The following GRID2 variants were observed in gnomAD, a reference collection of about 807,000 sequenced individuals.
GRID2 encodes the protein glutamate ionotropic receptor delta type subunit 2, also known as glutamate receptor ionotropic, delta-2.
Under a neutral mutation model 114.8 loss-of-function variants are expected in GRID2, and 33 were observed. The ratio of observed to expected loss-of-function variants is 0.29; its 90% confidence interval spans 0.22 to 0.38. The LOEUF (loss-of-function observed/expected upper bound fraction) is 0.38. Ranked by LOEUF, GRID2 falls within the 10% of genes least tolerant of loss-of-function variation. GRID2 has a pLI of 1.00. For synonymous variants in GRID2, 505 were observed against 449.9 expected (o/e 1.12, Z -1.55); for missense variants, 1,184 against 1,257.7 (o/e 0.94, Z 0.89).
chr4:93,132,581 A>G (rs1358293665), intron 4 of GRID2, among the ~76,000 whole-genome samples: 1 of 152,314 alleles, frequency 6.6e-6, no homozygotes, highest in Admixed American at 6.5e-5. Context: ...GGCTTACCTG[A>G]TATCTCTTTA....
chr4:93,012,662 G>T (rs1271628870), intron 2 of GRID2, among the ~76,000 whole-genome samples: 3 of 133,406 alleles, frequency 2.2e-5, no homozygotes, highest in African/African-American at 8.7e-5. Flanking sequence ...AAGAGCAAAG[G>T]ATACTATAAG....
chr4:93,160,876 A>G (rs879437630), intron 4 of GRID2, among the ~76,000 whole-genome samples: 2 of 151,854 alleles, frequency 1.3e-5, no homozygotes, highest in Admixed American at 1.3e-4. Context: ...CTGCATTTTA[A>G]CAAGATTTTT....
intron 2 of GRID2, among the ~76,000 whole-genome samples, chr4:92,690,757 A>G (rs1317675499): frequency 1.3e-5 from 2 of 152,168 alleles, no homozygotes; most frequent in Non-Finnish European, 2.9e-5. Context: ...TTCAATAAAA[A>G]TGAATTTATA....
chr4:93,565,531 A>T (rs1282943218), intron 13 of GRID2, among the ~76,000 whole-genome samples: 1 of 152,144 alleles, frequency 6.6e-6, no homozygotes, highest in South Asian at 2.1e-4. Context: ...GCACGAAAAA[A>T]CCTATTGTAT....
intron 4 of GRID2, among the ~76,000 whole-genome samples, chr4:93,169,459 A>G (rs962814092): frequency 1.2e-4 from 18 of 152,186 alleles, no homozygotes; most frequent in African/African-American, 3.9e-4. Flanking sequence ...TATATAACAA[A>G]TTAGCCCTAA....
At chr4:93,664,877 G>A (rs905815975) in intron 14 of GRID2, among the ~76,000 whole-genome samples, 2 of 152,114 alleles carry the variant, frequency 1.3e-5, no homozygotes, top group African/African-American at 2.4e-5. Context: ...GAGGTATAAT[G>A]TACCTAAAAC....
intron 2 of GRID2, among the ~76,000 whole-genome samples, chr4:93,073,619 C>A (rs537486692): frequency 6.6e-6 from 1 of 152,122 alleles, no homozygotes; most frequent in South Asian, 2.1e-4. Context: ...ATCTATTCAC[C>A]CTTTATCCCT....
rs183396223 is a variant in GRID2 at position 92,718,514 on chromosome 4, C to G, written c.244+128228C>G. Reference sequence around the variant, plus strand: ...AGGAATGGTGGCTAATGCCTATAATCCCAATTTGGGAGGCTGAGGCAGGAC... The same window carrying G: ...AGGAATGGTGGCTAATGCCTATAATGCCAATTTGGGAGGCTGAGGCAGGAC... On this transcript the variant is annotated intron_variant, in intron 2 of 15. Coordinates refer to ENST00000282020, the MANE Select transcript of GRID2 (RefSeq NM_001510.4). 7.1e-3 allele frequency among the ~76,000 whole-genome samples: 1,073 copies of G among 152,038 alleles called. 4 individuals carry two copies. Among genetic ancestry groups the G allele is most frequent in the Middle Eastern group, 0.024 (7 of 294 alleles).
intron 2 of GRID2, among the ~76,000 whole-genome samples, chr4:92,649,693 C>G (rs1731829076): frequency 6.6e-6 from 1 of 151,950 alleles, no homozygotes; most frequent in Non-Finnish European, 1.5e-5. Flanking sequence ...ATAACAAGAT[C>G]ATAATTCTGC....
intron 14 of GRID2, among the ~76,000 whole-genome samples, chr4:93,757,553 T>C (rs1182030867): frequency 6.6e-6 from 1 of 152,236 alleles, no homozygotes; most frequent in African/African-American, 2.4e-5. Context: ...CACGGTGCCT[T>C]CTCTTGTGCT....
chr4:92,719,801 G>A (rs916594984), intron 2 of GRID2, among the ~76,000 whole-genome samples: 4 of 152,166 alleles, frequency 2.6e-5, no homozygotes. Context: ...GGCTCTTAAT[G>A]TATGTTTGTA....
In GRID2 at chr4:93,577,633, T is replaced by TA. The variant is rs1468745705; in HGVS notation, c.2194-48635dup. Among the ~76,000 whole-genome samples, 11 of 152,316 alleles carry TA rather than the reference T, an allele frequency of 7.2e-5. No individual in the cohort carries two copies. The East Asian group carries it at 2.1e-3, about 29-fold the overall frequency. ...ATGCTATGTGCCAGACCACAGGAGT[T>TA]ACTGGGAACAAAATGGTAGGGATAA... On this transcript the variant is annotated intron_variant, in intron 13 of 15. Coordinates refer to ENST00000282020, the MANE Select transcript of GRID2 (RefSeq NM_001510.4).
chr4:93,268,981 A>G (rs1751144206), intron 8 of GRID2, among the ~76,000 whole-genome samples: 1 of 152,192 alleles, frequency 6.6e-6, no homozygotes, highest in African/African-American at 2.4e-5. Flanking sequence ...ATGACTGGAC[A>G]TCATAAAATT....
intron 2 of GRID2, among the ~76,000 whole-genome samples, chr4:92,598,097 A>T (rs1295090768): frequency 6.6e-6 from 1 of 152,212 alleles, no homozygotes; most frequent in African/African-American, 2.4e-5. Context: ...TTTGGGACTC[A>T]TGCAATAGTT....
At chr4:93,794,600 G>A (rs774496848) in intron 1 of GRID2, among the ~76,000 whole-genome samples, 3 of 152,150 alleles carry the variant, frequency 2.0e-5, no homozygotes, top group African/African-American at 4.8e-5. Context: ...GCGTCTCGGC[G>A]AGCCTTTCTC....
intron 4 of GRID2, among the ~76,000 whole-genome samples, chr4:93,176,672 A>G (rs1739372155): frequency 6.6e-6 from 1 of 152,060 alleles, no homozygotes; most frequent in Non-Finnish European, 1.5e-5. Context: ...TTCTGAGACC[A>G]TTGTCTTTAG....
chr4:93,775,333 C>A (rs1437959974), downstream of GRID2, among the ~76,000 whole-genome samples: 1 of 152,170 alleles, frequency 6.6e-6, no homozygotes, highest in Non-Finnish European at 1.5e-5. Flanking sequence ...ACTGGGTCTT[C>A]TTTTTTAAAA....
At chr4:93,342,710 T>G (rs1312981729) in intron 8 of GRID2, among the ~76,000 whole-genome samples, 2 of 152,232 alleles carry the variant, frequency 1.3e-5, no homozygotes, top group African/African-American at 4.8e-5. Context: ...TAACTGGTTA[T>G]GCAGAGCAAA....
chr4:93,353,482 G>C (rs1401518415), intron 8 of GRID2, among the ~76,000 whole-genome samples: 1 of 151,932 alleles, frequency 6.6e-6, no homozygotes, highest in Non-Finnish European at 1.5e-5. Context: ...AAGAGAAACT[G>C]TCAAAATGGA....
Sources: allele counts gnomAD v4.1 joint callset (sites outside exome capture counted in the v4.1 genomes callset), GRCh38; gene constraint gnomAD v4.1.1; transcripts MANE v1.5; gene names NCBI Gene and HGNC (gene_info 2026-07-23, HGNC 2026-07-21).